KCNJ14: variants seen among roughly 807,000 people sequenced by gnomAD.
KCNJ14 encodes ATP-sensitive inward rectifier potassium channel 14.
A neutral mutation model predicts 24.5 loss-of-function variants in KCNJ14; 18 were observed. That is an observed-to-expected ratio of 0.74 (90% CI 0.51 to 1.09). The LOEUF (loss-of-function observed/expected upper bound fraction) is 1.09, where lower values mean the gene tolerates loss of function less well. Among genes scored for constraint, KCNJ14 ranks in the 50% least tolerant of loss-of-function variants. The pLI is 0.00. For missense variants in KCNJ14, 633 were observed against 623.0 expected (o/e 1.02, Z -0.17); for synonymous variants, 288 against 270.8 (o/e 1.06, Z -0.63).
intron 1 of KCNJ14, among the ~76,000 whole-genome samples, chr19:48,460,141 T>G (rs1378112808): frequency 6.6e-6 from 1 of 152,202 alleles, no homozygotes; most frequent in Admixed American, 6.5e-5. Context: ...CATCTCTCCA[T>G]GCTGAGAAGC....
In KCNJ14 at chr19:48,464,199, G is replaced by A; in HGVS notation, c.733G>A (p.Gly245Ser). The change falls in exon 3 of 3, where the codon GGT (glycine) becomes AGT (serine). Residue 245 changes from glycine to serine, a missense_variant. By Grantham distance (56) the Gly-to-Ser change is moderately conservative. Transcript: ENST00000342291. ...QLLQPRVTPEGEYIPLDHQDV... is the reference protein window; with the variant it reads ...QLLQPRVTPESEYIPLDHQDV... ...GCTGCAGCCCCGTGTGACCCCAGAG[G>A]GTGAGTACATCCCGCTGGACCACCA... is the stretch of plus-strand genomic sequence containing the variant. The A allele has an allele frequency of 6.2e-7, 1 of 1,613,964 alleles. No individual in the cohort carries two copies. The highest frequency in any genetic ancestry group is 8.5e-7 in the Non-Finnish European group (1 of 1,179,930).
In KCNJ14 at chr19:48,464,500, A is replaced by T; in HGVS notation, c.1034A>T (p.Asp345Val). The change falls in exon 3 of 3, where the codon GAC becomes GTC. Residue 345 changes from aspartate to valine, a missense_variant. Asp to Val is a radical substitution (Grantham distance 152, BLOSUM62 -3). Transcript: ENST00000342291. ...LFQRGSQYEV[D>V]YRHFHRTYEV... ...CAGCGTGGCTCCCAGTATGAGGTCGACTATCGCCACTTCCATCGCACTTAT... is the reference window on the plus strand; with the variant it reads ...CAGCGTGGCTCCCAGTATGAGGTCGTCTATCGCCACTTCCATCGCACTTAT... 1 of 1,614,138 alleles carries T rather than the reference A, an allele frequency of 6.2e-7. No homozygotes were observed. The highest frequency in any genetic ancestry group is 8.5e-7 in the Non-Finnish European group (1 of 1,180,024).
At chr19:48,461,617 T>G in intron 1 of KCNJ14, 53 bp from the exon 2 acceptor site, 1 of 567,492 alleles carries the variant, frequency 1.8e-6, no homozygotes, top group Non-Finnish European at 2.8e-6. Flanking sequence ...GCTTGGCCGA[T>G]GAGCTCATCC....
intron 1 of KCNJ14, among the ~76,000 whole-genome samples, chr19:48,459,111 A>G (rs183688610): frequency 0.045 from 6,717 of 149,264 alleles, 525 homozygotes; most frequent in African/African-American, 0.16. Context: ...GCGTAGTGGC[A>G]GGCGCCTGTA....
chr19:48,464,811 C>G lies in KCNJ14; in HGVS notation c.*34C>G, dbSNP rs754144498. On this transcript the variant is annotated 3_prime_UTR_variant, in exon 3 of 3. Coordinates refer to ENST00000342291, the MANE Select transcript of KCNJ14 (RefSeq NM_013348.4). ...GATGTCCCCTTCCCCGTGTATGCCC[C>G]CTTCCCCAAGGTAGCAAGATGGAGG... The G allele has an allele frequency of 6.7e-7, 1 of 1,494,746 alleles. No homozygotes were observed. Among genetic ancestry groups the G allele is most frequent in the Admixed American group, 1.7e-5 (1 of 58,706 alleles). 92.6% of individuals were successfully genotyped at this position (1,494,746 alleles called of 1,614,324 possible). A position where few individuals can be genotyped will look rare whatever the true frequency, so the allele number is the denominator to read the frequency against.
rs527867653 is a variant in KCNJ14 at position 48,466,081 on chromosome 19, CT to C, written c.*1320del. On this transcript the variant is annotated 3_prime_UTR_variant, in exon 3 of 3. Transcript: ENST00000342291. Reference sequence around the variant, plus strand: ...TGTGTGTCTATTTCTTTTTCTTTTTCTTTTTTTTTTTTTTTTGAGACTGAGT... The same window carrying C: ...TGTGTGTCTATTTCTTTTTCTTTTTCTTTTTTTTTTTTTTTGAGACTGAGT... 7.9e-3 allele frequency: 1,121 copies of C among 141,092 alleles called. 6 individuals carry two copies. Among genetic ancestry groups the C allele is most frequent in the Non-Finnish European group, 0.011 (687 of 64,272 alleles). 8.7% of individuals were successfully genotyped at this position (141,092 alleles called of 1,614,324 possible).
In KCNJ14 at chr19:48,464,321, T is replaced by G; in HGVS notation, c.855T>G (p.Tyr285Ter). The change falls in exon 3 of 3, where the codon TAT (tyrosine) becomes TAG (stop). Residue 285 changes from tyrosine (Y) to a stop codon, truncating the protein, a stop_gained. Transcript: ENST00000342291. LOFTEE classifies it high-confidence loss of function. ...AGATCGACTCTGCCAGTCCTCTGTA[T>G]GAGCTAGGACGTGCCGAGCTGGCCA... ...VHEIDSASPL[Y>*]ELGRAELARA... The G allele has an allele frequency of 6.2e-7, 1 of 1,613,832 alleles. No individual in the cohort carries two copies. The highest frequency in any genetic ancestry group is 8.5e-7 in the Non-Finnish European group (1 of 1,179,878).
chr19:48,460,545 C>T (rs1176293135), intron 1 of KCNJ14, among the ~76,000 whole-genome samples: 2 of 152,160 alleles, frequency 1.3e-5, no homozygotes, highest in Admixed American at 1.3e-4. Context: ...ACCCGGCAGT[C>T]TTGGGGAAGT....
At chr19:48,458,210 G>A (rs1971557817) in intron 1 of KCNJ14, among the ~76,000 whole-genome samples, 1 of 152,160 alleles carries the variant, frequency 6.6e-6, no homozygotes, top group South Asian at 2.1e-4. Flanking sequence ...ATAAGTAGGA[G>A]TGCAATTGCT....
rs1971636958 is a variant in KCNJ14 at position 48,464,573 on chromosome 19, G to A, written c.1107G>A (p.Arg369=). 6.2e-7 allele frequency: 1 copy of A among 1,614,130 alleles called. No homozygotes were observed. The highest frequency in any genetic ancestry group is 8.5e-7 in the Non-Finnish European group (1 of 1,180,040). ...GCAGTGCTAAGGAGCTGGATGAACG[G>A]GCAGAGCAGGCTTCCCACAGCCTCA... The part of the protein sequence containing the change: ...PVCSAKELDE[R]AEQASHSLKS... The change falls in exon 3 of 3, where the codon CGG becomes CGA. Residue 369 remains arginine, a synonymous_variant. Coordinates refer to ENST00000342291, the MANE Select transcript of KCNJ14 (RefSeq NM_013348.4).
At position 48,462,261 on chromosome 19, in the gene KCNJ14, C is replaced by T. The variant is rs1373167190; in HGVS notation, c.537C>T (p.Phe179=). Residue 179 remains phenylalanine (F), a synonymous_variant, in exon 2 of 3, where the codon TTC becomes TTT. Coordinates refer to ENST00000342291, the MANE Select transcript of KCNJ14 (RefSeq NM_013348.4). This position sits in a 1 kb window ranked among gnomAD's most constrained non-coding sequence, Gnocchi z 4.9. The part of the protein sequence containing the change: ...QCIAGCVLDA[F]VVGAVMAKMA... The stretch of plus-strand genomic sequence containing the variant: ...TTGCCGGCTGCGTGCTCGACGCCTT[C>T]GTCGTGGGTGCTGTCATGGCCAAGA... 1.3e-6 allele frequency: 2 copies of T among 1,547,408 alleles called. No individual in the cohort carries two copies. The highest frequency in any genetic ancestry group is 1.7e-6 in the Non-Finnish European group (2 of 1,144,298).
intron 1 of KCNJ14, among the ~76,000 whole-genome samples, chr19:48,460,806 G>A (rs1339763442): frequency 6.6e-6 from 1 of 152,036 alleles, no homozygotes; most frequent in African/African-American, 2.4e-5. Context: ...AGTATTTTCC[G>A]TTGTTGTTGT....
intron 1 of KCNJ14, 159 bp from the exon 2 acceptor site, chr19:48,461,511 G>C (rs1018644180): frequency 8.3e-6 from 3 of 359,786 alleles, no homozygotes; most frequent in Non-Finnish European, 1.4e-5. Flanking sequence ...TTGGGCGACA[G>C]AGCGAGACTC....
intron 1 of KCNJ14, chr19:48,456,614 C>T (rs1971542006): frequency 6.6e-6 from 1 of 152,166 alleles, no homozygotes; most frequent in South Asian, 2.1e-4. Flanking sequence ...CAGGCCCTGC[C>T]AAGAAGCCCC....
intron 1 of KCNJ14, among the ~76,000 whole-genome samples, chr19:48,459,421 G>A (rs903530697): frequency 6.6e-6 from 1 of 151,876 alleles, no homozygotes; most frequent in African/African-American, 2.4e-5. Flanking sequence ...TTGAGACATG[G>A]TCTTGCTCTG....
rs777286704 is a variant in KCNJ14 at position 48,464,166 on chromosome 19, C to T, written c.715-15C>T. The T allele has an allele frequency of 1.1e-5, 18 of 1,589,972 alleles. No individual in the cohort carries two copies. Among genetic ancestry groups the T allele is most frequent in the Middle Eastern group, 1.7e-4 (1 of 6,036 alleles). On this transcript the variant is annotated splice_polypyrimidine_tract_variant and intron_variant, in intron 2 of 2. Transcript: ENST00000342291. ...GTGCTCCCTGCTGTCTTTGGCTCCT[C>T]GCCTCCTGCTGCAGCCCCGTGTGAC...
intron 1 of KCNJ14, among the ~76,000 whole-genome samples, chr19:48,460,244 A>ATT (rs201619878): frequency 2.7e-5 from 4 of 145,940 alleles, no homozygotes; most frequent in African/African-American, 1.1e-4. Context: ...GGGAAGTTTT[A>ATT]TTTATTTATT....
chr19:48,458,489 C>T (rs1055066334), intron 1 of KCNJ14, among the ~76,000 whole-genome samples: 5 of 152,104 alleles, frequency 3.3e-5, no homozygotes, highest in South Asian at 2.1e-4. Flanking sequence ...TTTGGAGAAA[C>T]GTCTGTACAG....
At chr19:48,463,165 G>C (rs1300432686) in intron 2 of KCNJ14, among the ~76,000 whole-genome samples, 1 of 152,130 alleles carries the variant, frequency 6.6e-6, no homozygotes, top group Non-Finnish European at 1.5e-5. Flanking sequence ...TCCTAGAATT[G>C]TGGTCAAATT....
Sources: allele counts gnomAD v4.1 joint callset (sites outside exome capture counted in the v4.1 genomes callset), GRCh38; gene constraint gnomAD v4.1.1; non-coding constraint Gnocchi (gnomAD v3.1); transcripts MANE v1.5; gene names NCBI Gene and HGNC (gene_info 2026-07-23, HGNC 2026-07-21).